PKDCC: variants seen among roughly 807,000 people sequenced by gnomAD.
PKDCC encodes the protein protein kinase domain containing, cytoplasmic.
A neutral mutation model predicts 44.7 loss-of-function variants in PKDCC; 35 were observed. The ratio of observed to expected loss-of-function variants is 0.78; its 90% confidence interval spans 0.60 to 1.04. The LOEUF (loss-of-function observed/expected upper bound fraction) is 1.04, where lower values mean the gene tolerates loss of function less well. PKDCC is among the 50% of genes least tolerant of loss of function. The pLI, the probability that PKDCC is intolerant of heterozygous loss-of-function variation, is 0.00. For synonymous variants in PKDCC, 353 were observed against 303.3 expected (o/e 1.16, Z -1.70); for missense variants, 738 against 672.7 (o/e 1.10, Z -1.07).
At position 42,052,739 on chromosome 2, in the gene PKDCC, C is replaced by CA. The variant is rs567556529; in HGVS notation, c.640-487dup. On this transcript the variant is annotated intron_variant, in intron 1 of 6. Transcript: ENST00000294964. The surrounding 1 kb of genome is among the most constrained non-coding windows in gnomAD (Gnocchi z 4.3). The stretch of plus-strand genomic sequence containing the variant: ...CCTGGGCAACAGAGCGAGGCTGTCT[C>CA]AAAAAAAAAAAAAGAAAAGAAAAGA... 0.04 allele frequency among the ~76,000 whole-genome samples: 4,642 copies of CA among 115,204 alleles called. 192 individuals are homozygous for CA. The highest frequency in any genetic ancestry group is 0.12 in the African/African-American group (3,920 of 31,792). The allele number at this position is 115,204 out of a possible 152,430, so 75.6% of individuals were successfully genotyped here.
At chr2:42,049,082 G>C (rs1667924579) in intron 1 of PKDCC, among the ~76,000 whole-genome samples, 1 of 152,150 alleles carries the variant, frequency 6.6e-6, no homozygotes, top group Non-Finnish European at 1.5e-5. Flanking sequence ...AGACAGGCCA[G>C]GACAGAGGCT....
Position 42,054,419 on chromosome 2 carries a change from C to A in PKDCC, c.1034+112C>A. On this transcript the variant is annotated intron_variant, in intron 3 of 6. Coordinates refer to ENST00000294964, the MANE Select transcript of PKDCC (RefSeq NM_138370.3). The surrounding 1 kb of genome is among the most constrained non-coding windows in gnomAD (Gnocchi z 6.1). ...CTGGGCAGGGAGACTCAGCCTTGAC[C>A]AGAGCAAGGGAAGGCTTCTACCCTG... The A allele has an allele frequency of 7.6e-7, 1 of 1,315,434 alleles. No individual in the cohort carries two copies. Among genetic ancestry groups the A allele is most frequent in the Non-Finnish European group, 1.0e-6 (1 of 960,296 alleles). 81.5% of individuals were successfully genotyped at this position (1,315,434 alleles called of 1,614,324 possible). A position where few individuals can be genotyped will look rare whatever the true frequency, so the allele number is the denominator to read the frequency against.
chr2:42,048,208 C>G lies in PKDCC; in HGVS notation c.9C>G (p.Arg3=). 1.7e-6 allele frequency: 2 copies of G among 1,187,548 alleles called. No individual in the cohort carries two copies. Among genetic ancestry groups the G allele is most frequent in the Non-Finnish European group, 2.1e-6 (2 of 952,822 alleles). 73.6% of individuals were successfully genotyped at this position (1,187,548 alleles called of 1,614,324 possible). The change falls in exon 1 of 7, where the codon CGC becomes CGG. Residue 3 remains arginine, a synonymous_variant. Transcript: ENST00000294964. The surrounding 1 kb of genome is among the most constrained non-coding windows in gnomAD (Gnocchi z 6.2). ...CCGGGGGGAGGGGAGCGATGCGGCGCCGGCGGGCGGCAGTGGCCGCGGGTT... is the reference window on the plus strand; with the variant it reads ...CCGGGGGGAGGGGAGCGATGCGGCGGCGGCGGGCGGCAGTGGCCGCGGGTT... The part of the protein sequence containing the change: MR[R]RRAAVAAGFC...
Position 42,055,256 on chromosome 2 carries a change from A to G in PKDCC, c.1115-30A>G, listed in dbSNP as rs2103930637. On this transcript the variant is annotated intron_variant, in intron 4 of 6. Transcript: ENST00000294964. The surrounding 1 kb of genome is among the most constrained non-coding windows in gnomAD (Gnocchi z 4.5). ...TCAGGGAGGAGTGGGAGCCCCAGGC[A>G]TCCTGTCTTAGCCACACTGCACTCT... is the stretch of plus-strand genomic sequence containing the variant. 1 of 1,590,784 alleles carries G rather than the reference A, an allele frequency of 6.3e-7. No individual in the cohort carries two copies. Among genetic ancestry groups the G allele is most frequent in the Non-Finnish European group, 8.6e-7 (1 of 1,165,686 alleles).
intron 1 of PKDCC, 137 bp from the exon 2 acceptor site, chr2:42,053,102 G>C (rs1186329709): frequency 2.0e-5 from 19 of 961,610 alleles, no homozygotes; most frequent in African/African-American, 5.0e-5. Context: ...AGGCAACGCT[G>C]CCATTCTCTT....
intron 1 of PKDCC, 70 bp from the exon 2 acceptor site, chr2:42,053,169 T>G: frequency 7.7e-7 from 1 of 1,299,444 alleles, no homozygotes; most frequent in East Asian, 2.4e-5. Flanking sequence ...AGGGGGAACC[T>G]GACAGTCCAG....
Position 42,055,066 on chromosome 2 carries a change from C to T in PKDCC, c.1114+46C>T. 2 of 1,561,406 alleles carry T rather than the reference C, an allele frequency of 1.3e-6. No homozygotes were observed. Among genetic ancestry groups the T allele is most frequent in the Non-Finnish European group, 1.8e-6 (2 of 1,133,954 alleles). On this transcript the variant is annotated intron_variant, in intron 4 of 6. Coordinates refer to ENST00000294964, the MANE Select transcript of PKDCC (RefSeq NM_138370.3). The surrounding 1 kb of genome is among the most constrained non-coding windows in gnomAD (Gnocchi z 4.5). ...CTGCTTCCAGGCACCTACCCCACCC[C>T]CACCCGCCAGCAAAAGTGGGGAGAA...
chr2:42,048,268 C>T lies in PKDCC; in HGVS notation c.69C>T (p.Asn23=). Residue 23 remains asparagine (N), a synonymous_variant, in exon 1 of 7, where the codon AAC becomes AAT. Transcript: ENST00000294964. This position sits in a 1 kb window ranked among gnomAD's most constrained non-coding sequence, Gnocchi z 6.2. ...CCTTCCTGCTGGGCTCCGTCCTCAA[C>T]GTGCTCTTCGCTCCGGGCTCGGAGC... The part of the protein sequence containing the change: ...CASFLLGSVL[N]VLFAPGSEPP... 1.6e-6 allele frequency: 2 copies of T among 1,279,078 alleles called. No homozygotes were observed. The highest frequency in any genetic ancestry group is 2.0e-6 in the Non-Finnish European group (2 of 1,005,142). 79.2% of individuals were successfully genotyped at this position (1,279,078 alleles called of 1,614,324 possible).
Position 42,052,551 on chromosome 2 carries a change from C to A in PKDCC, c.640-688C>A, listed in dbSNP as rs550129661. 6.6e-6 allele frequency among the ~76,000 whole-genome samples: 1 copy of A among 152,106 alleles called. No homozygotes were observed. The highest frequency in any genetic ancestry group is 2.4e-5 in the African/African-American group (1 of 41,412). On this transcript the variant is annotated intron_variant, in intron 1 of 6. Coordinates refer to ENST00000294964, the MANE Select transcript of PKDCC (RefSeq NM_138370.3). The surrounding 1 kb of genome is among the most constrained non-coding windows in gnomAD (Gnocchi z 4.3). The stretch of plus-strand genomic sequence containing the variant: ...ATCACTTGAGGTCGGCAGTTTGAGA[C>A]CAGCCTGGCCAACATGGTGAAACCC...
In PKDCC at chr2:42,055,168, C is replaced by A; in HGVS notation, c.1115-118C>A. 7.8e-7 allele frequency: 1 copy of A among 1,274,262 alleles called. No homozygotes were observed. The highest frequency in any genetic ancestry group is 1.1e-6 in the Non-Finnish European group (1 of 897,566). 78.9% of individuals were successfully genotyped at this position (1,274,262 alleles called of 1,614,324 possible). On this transcript the variant is annotated intron_variant, in intron 4 of 6. Coordinates refer to ENST00000294964, the MANE Select transcript of PKDCC (RefSeq NM_138370.3). The surrounding 1 kb of genome is among the most constrained non-coding windows in gnomAD (Gnocchi z 4.5). ...ATTCTGCCGCAACCTCCCCGCTCCC[C>A]CGCCCTCTGTTCACTGGGGCACAGG...
rs1483443279 is a variant in PKDCC, at chr2:42,054,304, A to G, written c.1031A>G (p.Tyr344Cys). ...MNEKRNLYNA[Y>C]RFFFTYLLPH... Reference sequence around the variant, plus strand: ...GAGAAGCGGAACCTCTATAATGCCTACAGGTGACCTCCACCCCTGACTCGG... The same window carrying G: ...GAGAAGCGGAACCTCTATAATGCCTGCAGGTGACCTCCACCCCTGACTCGG... Residue 344 changes from tyrosine (Y) to cysteine (C), a missense_variant, in exon 3 of 7, where the codon TAC becomes TGC. By Grantham distance (194) the Tyr-to-Cys change is radical. Coordinates refer to ENST00000294964, the MANE Select transcript of PKDCC (RefSeq NM_138370.3). This position sits in a 1 kb window ranked among gnomAD's most constrained non-coding sequence, Gnocchi z 6.1. The G allele has an allele frequency of 1.3e-6, 2 of 1,598,116 alleles. No individual in the cohort carries two copies. Among genetic ancestry groups the G allele is most frequent in the Non-Finnish European group, 1.7e-6 (2 of 1,170,882 alleles).
At position 42,054,865 on chromosome 2, in the gene PKDCC, T is replaced by C. The variant is rs911053878; in HGVS notation, c.1035-76T>C. The C allele has an allele frequency of 1.4e-5, 19 of 1,383,058 alleles. No homozygotes were observed. Among genetic ancestry groups the C allele is most frequent in the Non-Finnish European group, 1.9e-5 (18 of 970,326 alleles). The allele number at this position is 1,383,058 out of a possible 1,614,324, so 85.7% of individuals were successfully genotyped here. On this transcript the variant is annotated intron_variant, in intron 3 of 6. Transcript: ENST00000294964. The surrounding 1 kb of genome is among the most constrained non-coding windows in gnomAD (Gnocchi z 6.1). Reference sequence around the variant, plus strand: ...CGGCTCCCTGGCCAGGTTAGCGTTCTGCCCCAGGTTGGAATAGAGGAAGGA... The same window carrying C: ...CGGCTCCCTGGCCAGGTTAGCGTTCCGCCCCAGGTTGGAATAGAGGAAGGA...
At position 42,054,086 on chromosome 2, in the gene PKDCC, G is replaced by C. The variant is rs148462037; in HGVS notation, c.813G>C (p.Leu271=). 6.2e-7 allele frequency: 1 copy of C among 1,612,468 alleles called. No individual in the cohort carries two copies. Among genetic ancestry groups the C allele is most frequent in the Non-Finnish European group, 8.5e-7 (1 of 1,179,880 alleles). The change falls in exon 3 of 7, where the codon CTG becomes CTC. Residue 271 remains leucine, a synonymous_variant. Coordinates refer to ENST00000294964, the MANE Select transcript of PKDCC (RefSeq NM_138370.3). The surrounding 1 kb of genome is among the most constrained non-coding windows in gnomAD (Gnocchi z 6.1). ...TCCACCACCTGGCCCACTCCCCACT[G>C]GGCTCCGTCACTCTGCTGGACTTCC... ...RLLHHLAHSP[L]GSVTLLDFRP...
In PKDCC at chr2:42,054,653, G is replaced by A. The variant is rs1294690276; in HGVS notation, c.1035-288G>A. 6 of 547,334 alleles carry A rather than the reference G, an allele frequency of 1.1e-5. No individual in the cohort carries two copies. The highest frequency in any genetic ancestry group is 3.3e-5 in the Admixed American group (1 of 30,700). The allele number at this position is 547,334 out of a possible 1,614,324, so 33.9% of individuals were successfully genotyped here. ...TGGGCCCCAGCCATGGGGCTGCTCC[G>A]ACACCGGGAGTCAGTCAGGGGATAA... On this transcript the variant is annotated intron_variant, in intron 3 of 6. Transcript: ENST00000294964. The surrounding 1 kb of genome is among the most constrained non-coding windows in gnomAD (Gnocchi z 6.1).
Position 42,048,803 on chromosome 2 carries a change from C to G in PKDCC, c.604C>G (p.Leu202Val), listed in dbSNP as rs778374457. Reference protein sequence around the residue: ...AAHKLLKEMVLLERLRHPNVL... With the variant: ...AAHKLLKEMVVLERLRHPNVL... ...CCACAAGCTGCTTAAGGAGATGGTGCTGCTGGAGCGGCTGCGGCACCCCAA... is the reference window on the plus strand; with the variant it reads ...CCACAAGCTGCTTAAGGAGATGGTGGTGCTGGAGCGGCTGCGGCACCCCAA... Residue 202 changes from leucine to valine, a missense_variant, in exon 1 of 7, where the codon CTG (leucine) becomes GTG (valine). Physicochemically the swap from Leu to Val is conservative, Grantham distance 32. Transcript: ENST00000294964. The surrounding 1 kb of genome is among the most constrained non-coding windows in gnomAD (Gnocchi z 6.2). 4.7e-6 allele frequency: 7 copies of G among 1,478,562 alleles called. No homozygotes were observed. In the East Asian group the frequency reaches 1.5e-4, roughly 31 times the overall value. 91.6% of individuals were successfully genotyped at this position (1,478,562 alleles called of 1,614,324 possible).
rs1444697694 is a variant in PKDCC at position 42,057,700 on chromosome 2, G to C, written c.*12G>C. On this transcript the variant is annotated 3_prime_UTR_variant, in exon 7 of 7. Coordinates refer to ENST00000294964, the MANE Select transcript of PKDCC (RefSeq NM_138370.3). ...AGGCCTCTGGCTGACCTATCTGAGG[G>C]CTCGGCTGACCAGCTGACTATCCTC... 1 of 1,612,006 alleles carries C rather than the reference G, an allele frequency of 6.2e-7. No homozygotes were observed. Among genetic ancestry groups the C allele is most frequent in the Admixed American group, 1.7e-5 (1 of 59,948 alleles).
rs375161244 is a variant in PKDCC at position 42,057,266 on chromosome 2, G to A, written c.1268G>A (p.Arg423His). The change falls in exon 6 of 7, where the codon CGC (arginine) becomes CAC (histidine). Residue 423 changes from arginine to histidine, a missense_variant. Transcript: ENST00000294964. ...PDSTIPQEDY[R>H]CWPSYHHGSC... ...AGCACCATCCCCCAGGAAGACTACC[G>A]CTGCTGGCCATCCTACCACCACGGG... 1.1e-5 allele frequency: 17 copies of A among 1,614,166 alleles called. No individual in the cohort carries two copies. The highest frequency in any genetic ancestry group is 5.3e-5 in the African/African-American group (4 of 75,034).
In PKDCC at chr2:42,048,746, G is replaced by T; in HGVS notation, c.547G>T (p.Gly183Trp). 3 of 1,578,114 alleles carry T rather than the reference G, an allele frequency of 1.9e-6. No individual in the cohort carries two copies. Among genetic ancestry groups the T allele is most frequent in the Non-Finnish European group, 2.6e-6 (3 of 1,161,882 alleles). Residue 183 changes from glycine to tryptophan, a missense_variant, in exon 1 of 7, where the codon GGG (glycine) becomes TGG (tryptophan). Gly to Trp is a radical substitution (Grantham distance 184). Transcript: ENST00000294964. The surrounding 1 kb of genome is among the most constrained non-coding windows in gnomAD (Gnocchi z 6.2). ...HDLGSCVREFGVRRGCYRLAA... is the reference protein window; with the variant it reads ...HDLGSCVREFWVRRGCYRLAA... Reference sequence around the variant, plus strand: ...TCTGGGCAGCTGCGTGCGCGAGTTCGGGGTACGGAGGGGCTGCTATCGGCT... The same window carrying T: ...TCTGGGCAGCTGCGTGCGCGAGTTCTGGGTACGGAGGGGCTGCTATCGGCT...
chr2:42,056,137 G>A (rs1668050707), intron 5 of PKDCC, among the ~76,000 whole-genome samples: 1 of 152,116 alleles, frequency 6.6e-6, no homozygotes, highest in Non-Finnish European at 1.5e-5. Flanking sequence ...GCTGTTTATG[G>A]GGCTGTAAAT....
Sources: gnomAD v4.1 joint callset for allele counts (sites outside exome capture counted in the v4.1 genomes callset) on GRCh38, gnomAD v4.1.1 for gene constraint, Gnocchi (gnomAD v3.1) non-coding constraint, MANE v1.5 for transcripts, NCBI Gene and HGNC (gene_info 2026-07-23, HGNC 2026-07-21) for gene names.